The following MACROD2 variants were observed in gnomAD, a reference collection of about 807,000 sequenced individuals.
MACROD2 encodes mono-ADP ribosylhydrolase 2.
In MACROD2, 36 loss-of-function variants were observed where a neutral mutation model predicts 70.4. The observed-to-expected ratio is 0.51, with a 90% CI of 0.39 to 0.68. MACROD2 has a LOEUF of 0.68. Among genes scored for constraint, MACROD2 ranks in the 30% least tolerant of loss-of-function variants. The pLI is 0.00. For missense variants in MACROD2, 496 were observed against 538.4 expected (o/e 0.92, Z 0.78); for synonymous variants, 172 against 178.8 (o/e 0.96, Z 0.30).
At chr20:15,997,724 A>G (rs867678063) in intron 15 of MACROD2, among the ~76,000 whole-genome samples, 7 of 152,182 alleles carry the variant, frequency 4.6e-5, no homozygotes, top group Middle Eastern at 3.4e-3. Flanking sequence ...TTCTAGTTCT[A>G]TGTTGCATAG....
At chr20:14,364,730 T>C (rs1379351541) in intron 3 of MACROD2, among the ~76,000 whole-genome samples, 1 of 152,180 alleles carries the variant, frequency 6.6e-6, no homozygotes, top group African/African-American at 2.4e-5. Context: ...TGTATTTTGC[T>C]TTTTTTCGTT....
chr20:15,853,784 T>G (rs1568598721), intron 8 of MACROD2, among the ~76,000 whole-genome samples: 1 of 152,174 alleles, frequency 6.6e-6, no homozygotes, highest in Admixed American at 6.5e-5. Context: ...ACACCCTGAA[T>G]AGACAGAACC....
chr20:15,647,917 C>T (rs1172920311), intron 8 of MACROD2, among the ~76,000 whole-genome samples: 1 of 152,068 alleles, frequency 6.6e-6, no homozygotes, highest in South Asian at 2.1e-4. Context: ...TGGGGTCTCA[C>T]CATGTTGGCC....
At chr20:14,535,355 AT>A (rs1451889746) in intron 4 of MACROD2, among the ~76,000 whole-genome samples, 2 of 151,750 alleles carry the variant, frequency 1.3e-5, no homozygotes, top group Non-Finnish European at 2.9e-5. Flanking sequence ...AATACAAAAA[AT>A]TAGCTGGGCG....
chr20:14,698,065 G>T (rs1480786944), intron 5 of MACROD2, among the ~76,000 whole-genome samples: 2 of 152,072 alleles, frequency 1.3e-5, no homozygotes, highest in African/African-American at 4.8e-5. Flanking sequence ...AAACAGACAG[G>T]GACCTCACCC....
At chr20:15,023,048 C>G (rs2075201587) in intron 5 of MACROD2, 1 of 151,622 alleles carries the variant, frequency 6.6e-6, no homozygotes, top group South Asian at 2.1e-4. Context: ...AATTCTATAC[C>G]CATGTTGCAG....
intron 5 of MACROD2, among the ~76,000 whole-genome samples, chr20:14,775,467 G>A (rs1205958374): frequency 6.6e-6 from 1 of 152,016 alleles, no homozygotes; most frequent in African/African-American, 2.4e-5. Flanking sequence ...GAGGAAGCAA[G>A]AGAAAGAGAG....
chr20:15,479,230 C>A lies in MACROD2; in HGVS notation c.572-20544C>A, dbSNP rs113011187. Among the ~76,000 whole-genome samples the A allele has an allele frequency of 6.4e-3, 915 of 143,968 alleles. 7 individuals are homozygous for A. The highest frequency in any genetic ancestry group is 0.023 in the African/African-American group (873 of 38,490). 94.4% of individuals were successfully genotyped at this position (143,968 alleles called of 152,430 possible). A position where few individuals can be genotyped will look rare whatever the true frequency, so the allele number is the denominator to read the frequency against. On this transcript the variant is annotated intron_variant, in intron 7 of 17. Transcript: ENST00000684519. The stretch of plus-strand genomic sequence containing the variant: ...TAGGTATCTAATCTAACCTAGCTTT[C>A]TGGAGGCACTTGTTAAGTACTAGAT...
intron 5 of MACROD2, among the ~76,000 whole-genome samples, chr20:14,838,734 G>A (rs1319367977): frequency 6.6e-6 from 1 of 152,036 alleles, no homozygotes; most frequent in African/African-American, 2.4e-5. Context: ...TCCCTTATGA[G>A]CATTAAGTGG....
At chr20:14,165,011 A>G (rs2055246999) in intron 3 of MACROD2, among the ~76,000 whole-genome samples, 1 of 152,092 alleles carries the variant, frequency 6.6e-6, no homozygotes, top group African/African-American at 2.4e-5. Context: ...TGGCTCCTGC[A>G]TTGGCCCTGG....
intron 5 of MACROD2, among the ~76,000 whole-genome samples, chr20:14,693,595 C>A (rs1568742367): frequency 6.6e-6 from 1 of 151,960 alleles, no homozygotes; most frequent in Non-Finnish European, 1.5e-5. Context: ...ATCACTAATC[C>A]CAAAGATTAA....
In MACROD2 at chr20:14,801,025, C is replaced by G. The variant is rs548025244; in HGVS notation, c.418+116066C>G. ...GTTTTCTCTTTACTCAATGTTTATA[C>G]AAAGGGACTTTTTAGCACATAATTT... is the stretch of plus-strand genomic sequence containing the variant. On this transcript the variant is annotated intron_variant, in intron 5 of 17. Transcript: ENST00000684519. 2.0e-5 allele frequency among the ~76,000 whole-genome samples: 3 copies of G among 152,246 alleles called. No individual in the cohort carries two copies. In the South Asian group the frequency reaches 6.2e-4, roughly 32 times the overall value.
chr20:14,777,483 G>A (rs948785250), intron 5 of MACROD2, among the ~76,000 whole-genome samples: 2 of 151,878 alleles, frequency 1.3e-5, no homozygotes, highest in African/African-American at 4.8e-5. Flanking sequence ...CTGTTTTATG[G>A]CTTCATATAT....
chr20:15,987,211 C>A, intron 15 of MACROD2, 53 bp downstream of exon 15: 1 of 1,392,460 alleles, frequency 7.2e-7, no homozygotes, highest in Non-Finnish European at 1.0e-6. Flanking sequence ...CTTTGGATTC[C>A]TGCCTAGAAT....
intron 3 of MACROD2, among the ~76,000 whole-genome samples, chr20:14,097,290 A>G (rs1339473836): frequency 6.6e-6 from 1 of 152,232 alleles, no homozygotes; most frequent in South Asian, 2.1e-4. Context: ...TTTATGGTTC[A>G]GTATGTCATT....
At chr20:15,813,966 T>C (rs541127076) in intron 8 of MACROD2, among the ~76,000 whole-genome samples, 1 of 152,300 alleles carries the variant, frequency 6.6e-6, no homozygotes, top group Non-Finnish European at 1.5e-5. Flanking sequence ...GGAAATATAT[T>C]GTAAAGTAAT....
At chr20:14,331,220 C>A (rs902639641) in intron 3 of MACROD2, among the ~76,000 whole-genome samples, 1 of 152,010 alleles carries the variant, frequency 6.6e-6, no homozygotes, top group Non-Finnish European at 1.5e-5. Flanking sequence ...AAATAAATGT[C>A]TTTTATCTTG....
intron 6 of MACROD2, among the ~76,000 whole-genome samples, chr20:15,385,567 G>A (rs114783487): frequency 7.2e-4 from 109 of 152,196 alleles, no homozygotes; most frequent in African/African-American, 2.5e-3. Flanking sequence ...CGTTAGTGTC[G>A]AAGGATTACC....
chr20:15,948,382 C>CAAAA (rs71192307), intron 12 of MACROD2, among the ~76,000 whole-genome samples: 97 of 43,096 alleles, frequency 2.3e-3, no homozygotes, highest in Non-Finnish European at 3.2e-3. Context: ...CTTGCAACTG[C>CAAAA]AAAAAAAAAA....
Sources: allele counts gnomAD v4.1 joint callset (sites outside exome capture counted in the v4.1 genomes callset), GRCh38; gene constraint gnomAD v4.1.1; transcripts MANE v1.5; gene names NCBI Gene and HGNC (gene_info 2026-07-23, HGNC 2026-07-21).